Variants in TRIM66 observed in about 807,000 individuals in gnomAD.
TRIM66 encodes the protein tripartite motif containing 66.
A neutral mutation model predicts 148.2 loss-of-function variants in TRIM66; 99 were observed. The observed-to-expected ratio is 0.67, with a 90% CI of 0.57 to 0.79. The LOEUF (loss-of-function observed/expected upper bound fraction) is 0.79, where lower values mean the gene tolerates loss of function less well. TRIM66 is among the 30% of genes least tolerant of loss of function. The pLI is 0.00. For missense variants in TRIM66, 1,666 were observed against 1,697.9 expected (o/e 0.98, Z 0.33); for synonymous variants, 616 against 635.9 (o/e 0.97, Z 0.47).
chr11:8,633,262 C>T (rs539856484), intron 15 of TRIM66, among the ~76,000 whole-genome samples: 22 of 151,926 alleles, frequency 1.4e-4, no homozygotes, highest in Non-Finnish European at 2.8e-4. Context: ...GCAGAGGTTG[C>T]GGTGAGCCGA....
Position 8,645,899 on chromosome 11 carries a change from G to A in TRIM66, c.958-12C>T. 2 of 1,551,146 alleles carry A rather than the reference G, an allele frequency of 1.3e-6. No individual in the cohort carries two copies. The highest frequency in any genetic ancestry group is 1.7e-6 in the Non-Finnish European group (2 of 1,146,734). On this transcript the variant is annotated splice_polypyrimidine_tract_variant and intron_variant, in intron 11 of 24. Transcript: ENST00000646038. Reference sequence around the variant, plus strand: ...TCATTAGTAATCCCCTGGGTACAGAGAGAAGACAGAGTCCTTGATCCTGTT... The same window carrying A: ...TCATTAGTAATCCCCTGGGTACAGAAAGAAGACAGAGTCCTTGATCCTGTT...
intron 6 of TRIM66, among the ~76,000 whole-genome samples, chr11:8,662,467 G>A (rs924535280): frequency 8.5e-5 from 13 of 152,086 alleles, no homozygotes; most frequent in Admixed American, 5.9e-4. Flanking sequence ...AGTAGTGTTC[G>A]GGGATGCTGT....
intron 7 of TRIM66, among the ~76,000 whole-genome samples, chr11:8,650,272 C>A (rs1469615067): frequency 3.9e-5 from 6 of 152,190 alleles, no homozygotes; most frequent in African/African-American, 1.4e-4. Context: ...ACTAGGGAGA[C>A]TGAGGTGGGA....
intron 6 of TRIM66, among the ~76,000 whole-genome samples, chr11:8,667,849 A>T (rs1163473212): frequency 6.6e-6 from 1 of 152,226 alleles, no homozygotes; most frequent in Non-Finnish European, 1.5e-5. Flanking sequence ...CCTTTTGGCT[A>T]CTGCAAATAA....
intron 7 of TRIM66, among the ~76,000 whole-genome samples, chr11:8,651,114 C>A (rs1804074932): frequency 6.6e-6 from 1 of 152,148 alleles, no homozygotes; most frequent in Admixed American, 6.5e-5. Context: ...CAGAGGCCAC[C>A]AAACTGATGT....
rs568400414 is a variant in TRIM66 at position 8,638,810 on chromosome 11, T to C, written c.2154A>G (p.Thr718=). The change falls in exon 15 of 25, where the codon ACA becomes ACG. Residue 718 remains threonine (T), a synonymous_variant. Coordinates refer to ENST00000646038, the MANE Select transcript of TRIM66 (RefSeq NM_001388022.1). ...AGCCCTGAGATGCTGGGGGCTCATC[T>C]GTAGCCTGGAGAAGAAAATAAGAAC... ...SQSQEETLQA[T]DEPPASQGSK... is the part of the protein sequence containing the mutation. 3.2e-6 allele frequency: 5 copies of C among 1,550,874 alleles called. No homozygotes were observed. In the Admixed American group the frequency reaches 7.9e-5, roughly 24 times the overall value.
Position 8,625,101 on chromosome 11 carries a change from TG to T in TRIM66, c.2437del (p.Gln813ArgfsTer7), listed in dbSNP as rs1186841665. 3 of 1,551,622 alleles carry T rather than the reference TG, an allele frequency of 1.9e-6. No homozygotes were observed. Among genetic ancestry groups the T allele is most frequent in the Non-Finnish European group, 2.6e-6 (3 of 1,146,972 alleles). On this transcript the variant is annotated frameshift_variant, in exon 16 of 25. Transcript: ENST00000646038. LOFTEE classifies it high-confidence loss of function. ...SVSNLTAGAP[Q>X]AVPSLLSAPP... ...AGCACTCAGCAGGCTTGGTACTGCC[TG>T]GGGGGCACCAGCTGTCAGGTTGCTC...
Position 8,649,893 on chromosome 11 carries a change from A to G in TRIM66, c.445-6T>C, listed in dbSNP as rs767031443. On this transcript the variant is annotated splice_polypyrimidine_tract_variant and splice_region_variant and intron_variant, in intron 7 of 24. Coordinates refer to ENST00000646038, the MANE Select transcript of TRIM66 (RefSeq NM_001388022.1). The stretch of plus-strand genomic sequence containing the variant: ...TCCTTGCACTCAGAGCAGTTCTGGA[A>G]GCAGAGAGTTCTGGAGTTACTGATG... 5 of 1,550,306 alleles carry G rather than the reference A, an allele frequency of 3.2e-6. No homozygotes were observed. The South Asian group carries it at 6.0e-5, about 18-fold the overall frequency.
intron 15 of TRIM66, among the ~76,000 whole-genome samples, chr11:8,630,531 G>A (rs115244760): frequency 2.0e-3 from 309 of 152,272 alleles, no homozygotes; most frequent in African/African-American, 7.1e-3. Context: ...TTCTAGTTCA[G>A]AGAGGAAGAG....
At position 8,617,976 on chromosome 11, in the gene TRIM66, A is replaced by C; in HGVS notation, c.4147T>G (p.Phe1383Val). Reference sequence around the variant, plus strand: ...TGAGAGATGCTGTTGGCCAGGCGAAATGACATTCTTTTTGCTCTTTCATTC... The same window carrying C: ...TGAGAGATGCTGTTGGCCAGGCGAACTGACATTCTTTTTGCTCTTTCATTC... Reference protein sequence around the residue: ...MENERAKRMSFRLANSISQV With the variant: ...MENERAKRMSVRLANSISQV The change falls in exon 25 of 25, where the codon TTT (phenylalanine) becomes GTT (valine). Residue 1383 changes from phenylalanine (F) to valine (V), a missense_variant. By Grantham distance (50) the Phe-to-Val change is conservative. This residue lies in a region of TRIM66 where 204 missense variants were observed against 231.0 expected (regional missense o/e 0.88). Transcript: ENST00000646038. The C allele has an allele frequency of 3.2e-6, 5 of 1,551,722 alleles. No homozygotes were observed. Among genetic ancestry groups the C allele is most frequent in the Non-Finnish European group, 3.5e-6 (4 of 1,146,998 alleles).
chr11:8,648,092 G>A lies in TRIM66; in HGVS notation c.726-6C>T. The A allele has an allele frequency of 1.3e-6, 2 of 1,550,496 alleles. No individual in the cohort carries two copies. Among genetic ancestry groups the A allele is most frequent in the Non-Finnish European group, 1.7e-6 (2 of 1,145,924 alleles). ...CTTCTTCAACATGTCTGCACCTAGG[G>A]GATGAGGCAGAGAAAAAGCTGAGAA... On this transcript the variant is annotated splice_polypyrimidine_tract_variant and splice_region_variant and intron_variant, in intron 9 of 24. Coordinates refer to ENST00000646038, the MANE Select transcript of TRIM66 (RefSeq NM_001388022.1).
At chr11:8,670,336 C>T (rs1452815062) in intron 6 of TRIM66, among the ~76,000 whole-genome samples, 1 of 152,030 alleles carries the variant, frequency 6.6e-6, no homozygotes, top group African/African-American at 2.4e-5. Context: ...TTGACCCTCA[C>T]TCTCCTTCCA....
In TRIM66 at chr11:8,635,138, T is replaced by G. The variant is rs746725378; in HGVS notation, c.2310+3516A>C. ...CATTGCAGTGCAGAAAGAGAAGCAA[T>G]TTAACCTAGTCATTGAACACAGAGC... is the stretch of plus-strand genomic sequence containing the variant. On this transcript the variant is annotated intron_variant, in intron 15 of 24. Transcript: ENST00000646038. Among the ~76,000 whole-genome samples the G allele has an allele frequency of 2.0e-5, 3 of 152,140 alleles. No homozygotes were observed. In the East Asian group the frequency reaches 5.8e-4, roughly 29 times the overall value.
chr11:8,627,110 G>A (rs915798647), intron 15 of TRIM66, among the ~76,000 whole-genome samples: 1 of 152,086 alleles, frequency 6.6e-6, no homozygotes, highest in Non-Finnish European at 1.5e-5. Context: ...ACCACAATCC[G>A]TGATATCATT....
At chr11:8,622,779 T>A in intron 18 of TRIM66, 37 bp downstream of exon 18, 1 of 1,540,904 alleles carries the variant, frequency 6.5e-7, no homozygotes. Flanking sequence ...GGACGTGAAG[T>A]CATGGGTGGG....
Position 8,624,515 on chromosome 11 carries a change from G to A in TRIM66, c.2863C>T (p.Leu955=), listed in dbSNP as rs1479652931. 6.5e-7 allele frequency: 1 copy of A among 1,541,314 alleles called. No homozygotes were observed. Among genetic ancestry groups the A allele is most frequent in the African/African-American group, 1.4e-5 (1 of 72,394 alleles). Reference sequence around the variant, plus strand: ...CCGGGGACTATGGGACCTTGTCCCAGTAAGTCAGTGAAGCGAGTGGAATCC... The same window carrying A: ...CCGGGGACTATGGGACCTTGTCCCAATAAGTCAGTGAAGCGAGTGGAATCC... ...SEDSTRFTDL[L]GQGPIVPGLD... is the part of the protein sequence containing the mutation. Residue 955 remains leucine (L), a synonymous_variant, in exon 17 of 25, where the codon CTG becomes TTG. Coordinates refer to ENST00000646038, the MANE Select transcript of TRIM66 (RefSeq NM_001388022.1).
chr11:8,633,266 G>A (rs1435986355), intron 15 of TRIM66, among the ~76,000 whole-genome samples: 1 of 152,068 alleles, frequency 6.6e-6, no homozygotes, highest in African/African-American at 2.4e-5. Context: ...AGGTTGCGGT[G>A]AGCCGAGATC....
chr11:8,620,101 G>A lies in TRIM66; in HGVS notation c.3696C>T (p.Ser1232=). 6.4e-7 allele frequency: 1 copy of A among 1,551,692 alleles called. No individual in the cohort carries two copies. Among genetic ancestry groups the A allele is most frequent in the Non-Finnish European group, 8.7e-7 (1 of 1,146,988 alleles). The change falls in exon 22 of 25, where the codon TCC becomes TCT. Residue 1232 remains serine, a synonymous_variant. Transcript: ENST00000646038. Reference sequence around the variant, plus strand: ...GCAGGCTGAGGTTATTGCAGCACAAGGACAATACCAGCTTCTCACACTTCT... The same window carrying A: ...GCAGGCTGAGGTTATTGCAGCACAAAGACAATACCAGCTTCTCACACTTCT... ...DQKKCEKLVL[S]LCCNNLSLPF... is the part of the protein sequence containing the mutation.
intron 6 of TRIM66, among the ~76,000 whole-genome samples, chr11:8,658,422 C>G (rs1261864522): frequency 6.6e-6 from 1 of 152,152 alleles, no homozygotes; most frequent in African/African-American, 2.4e-5. Context: ...GGACTCCATC[C>G]AAAAATCCTT....
Sources: allele counts gnomAD v4.1 joint callset (sites outside exome capture counted in the v4.1 genomes callset), GRCh38; gene constraint gnomAD v4.1.1; regional missense constraint gnomAD v4.1.1; transcripts MANE v1.5; gene names NCBI Gene and HGNC (gene_info 2026-07-23, HGNC 2026-07-21).